Variants in DCC observed in about 807,000 individuals in gnomAD.
The protein encoded by DCC is netrin receptor DCC.
In DCC, 58 loss-of-function variants were observed where a neutral mutation model predicts 172.5. That is an observed-to-expected ratio of 0.34 (90% CI 0.27 to 0.42). The LOEUF (loss-of-function observed/expected upper bound fraction) is 0.42, where lower values mean the gene tolerates loss of function less well. Ranked by LOEUF, DCC falls within the 10% of genes least tolerant of loss-of-function variation. The probability of loss-of-function intolerance (pLI) is 1.00; values close to 1 mark genes in which losing one functional copy is unlikely to be tolerated. For missense variants in DCC, 1,740 were observed against 1,791.0 expected (o/e 0.97, Z 0.51); for synonymous variants, 709 against 644.5 (o/e 1.10, Z -1.52).
At chr18:52,448,241 C>T (rs1463729625) in intron 1 of DCC, among the ~76,000 whole-genome samples, 1 of 152,136 alleles carries the variant, frequency 6.6e-6, no homozygotes, top group African/African-American at 2.4e-5. Flanking sequence ...GAATCTAATT[C>T]CTGACAATAT....
At chr18:53,252,371 G>A (rs1233222276) in intron 12 of DCC, among the ~76,000 whole-genome samples, 1 of 151,874 alleles carries the variant, frequency 6.6e-6, no homozygotes, top group African/African-American at 2.4e-5. Flanking sequence ...GAAAGACTGA[G>A]ACTTAATCAC....
At chr18:53,181,762 G>A (rs1002602607) in intron 9 of DCC, among the ~76,000 whole-genome samples, 1 of 152,136 alleles carries the variant, frequency 6.6e-6, no homozygotes, top group Non-Finnish European at 1.5e-5. Flanking sequence ...CAGCAGATTT[G>A]GGGGGAAGCA....
At chr18:53,289,904 T>C (rs990380773) in intron 12 of DCC, among the ~76,000 whole-genome samples, 1 of 152,166 alleles carries the variant, frequency 6.6e-6, no homozygotes, top group Admixed American at 6.5e-5. Context: ...AAATTTTCTC[T>C]TTTTCAGAAA....
intron 1 of DCC, among the ~76,000 whole-genome samples, chr18:52,377,940 T>TC (rs1985422474): frequency 6.6e-6 from 1 of 152,000 alleles, no homozygotes; most frequent in African/African-American, 2.4e-5. Context: ...CCTCAAGTGA[T>TC]CCCCCTGCCT....
intron 15 of DCC, among the ~76,000 whole-genome samples, chr18:53,343,840 A>G (rs939883426): frequency 2.0e-5 from 3 of 152,010 alleles, no homozygotes; most frequent in Admixed American, 6.6e-5. Flanking sequence ...ATACAGATAT[A>G]GGTCTGATTT....
chr18:52,908,147 T>TA lies in DCC; in HGVS notation c.697+1820dup, dbSNP rs575964816. On this transcript the variant is annotated intron_variant, in intron 3 of 28. Transcript: ENST00000442544. ...CTCTGCGCTCTTAACTGTGTATAGT[T>TA]ATCACAAGTACTTCAGCTATGCAGA... 2.4e-4 allele frequency among the ~76,000 whole-genome samples: 37 copies of TA among 152,318 alleles called. No individual in the cohort carries two copies. In the East Asian group the frequency reaches 6.0e-3, roughly 25 times the overall value.
chr18:53,246,739 T>C (rs1160627698), intron 12 of DCC, among the ~76,000 whole-genome samples: 1 of 152,048 alleles, frequency 6.6e-6, no homozygotes, highest in Non-Finnish European at 1.5e-5. Flanking sequence ...GACTATAAGT[T>C]GCATGGGAAT....
At chr18:53,353,330 T>A (rs7237127) in intron 15 of DCC, among the ~76,000 whole-genome samples, 69,740 of 151,180 alleles carry the variant, frequency 0.46, 16,600 homozygotes, top group Non-Finnish European at 0.53. Flanking sequence ...TCTATTTTTT[T>A]AAAAAAACTA....
At chr18:53,487,271 T>G (rs1234380088) in intron 26 of DCC, among the ~76,000 whole-genome samples, 1 of 152,218 alleles carries the variant, frequency 6.6e-6, no homozygotes, top group Admixed American at 6.5e-5. Context: ...AAATAGGAAA[T>G]TAATAATCAA....
At chr18:52,708,025 A>T (rs988286813) in intron 1 of DCC, among the ~76,000 whole-genome samples, 2 of 152,238 alleles carry the variant, frequency 1.3e-5, no homozygotes, top group Non-Finnish European at 2.9e-5. Context: ...ACAAAAAATC[A>T]GTATGTGAAG....
At chr18:52,894,355 TA>T (rs1476745608) in intron 2 of DCC, among the ~76,000 whole-genome samples, 1 of 151,772 alleles carries the variant, frequency 6.6e-6, no homozygotes, top group Non-Finnish European at 1.5e-5. Context: ...AGATGTCCAA[TA>T]AATGCTGACT....
At chr18:52,651,290 G>A (rs1356916084) in intron 1 of DCC, among the ~76,000 whole-genome samples, 1 of 152,118 alleles carries the variant, frequency 6.6e-6, no homozygotes, top group African/African-American at 2.4e-5. Context: ...AGTCTCCTGA[G>A]TAGACCACAG....
chr18:53,176,842 G>A (rs951247204), intron 8 of DCC, among the ~76,000 whole-genome samples: 1 of 151,630 alleles, frequency 6.6e-6, no homozygotes, highest in African/African-American at 2.4e-5. Context: ...TATACCCAAA[G>A]GACTATAAAT....
intron 5 of DCC, among the ~76,000 whole-genome samples, chr18:53,006,826 C>T (rs112567248): frequency 0.012 from 1,834 of 152,258 alleles, 26 homozygotes; most frequent in African/African-American, 0.041. Context: ...TGAGACCTGT[C>T]AATAAATATG....
intron 1 of DCC, among the ~76,000 whole-genome samples, chr18:52,441,655 T>G (rs1228281499): frequency 6.6e-6 from 1 of 152,152 alleles, no homozygotes; most frequent in Non-Finnish European, 1.5e-5. Flanking sequence ...ATAGAGGTAT[T>G]TTCTAGTAAG....
At chr18:52,808,865 C>T (rs1328013778) in intron 2 of DCC, among the ~76,000 whole-genome samples, 2 of 152,136 alleles carry the variant, frequency 1.3e-5, no homozygotes, top group Admixed American at 6.5e-5. Flanking sequence ...ATGGTCTGGA[C>T]CTATGAGATT....
At chr18:53,340,366 C>T (rs1016581053) in intron 15 of DCC, among the ~76,000 whole-genome samples, 1 of 152,072 alleles carries the variant, frequency 6.6e-6, no homozygotes, top group African/African-American at 2.4e-5. Context: ...ATAGTGCCTT[C>T]TTTACCGTTA....
In DCC at chr18:53,508,033, C is replaced by T. The variant is rs552138367; in HGVS notation, c.4111+8523C>T. 4.7e-3 allele frequency among the ~76,000 whole-genome samples: 715 copies of T among 150,934 alleles called. 4 individuals are homozygous for T. The highest frequency in any genetic ancestry group is 0.017 in the African/African-American group (683 of 41,070). On this transcript the variant is annotated intron_variant, in intron 27 of 28. Coordinates refer to ENST00000442544, the MANE Select transcript of DCC (RefSeq NM_005215.4). ...CTCAGCCTCCCGAGAGCTGGGACTA[C>T]AGGTGCCTGCCACCATGCCCAGCTA... is the stretch of plus-strand genomic sequence containing the variant.
chr18:53,217,432 T>C (rs2055871581), intron 12 of DCC, among the ~76,000 whole-genome samples: 1 of 152,064 alleles, frequency 6.6e-6, no homozygotes, highest in Admixed American at 6.6e-5. Flanking sequence ...ATCTGGAACA[T>C]TGCACTGCTA....
Sources: gnomAD v4.1 joint callset for allele counts (sites outside exome capture counted in the v4.1 genomes callset) on GRCh38, gnomAD v4.1.1 for gene constraint, MANE v1.5 for transcripts, NCBI Gene and HGNC (gene_info 2026-07-23, HGNC 2026-07-21) for gene names.